The following ABL1 variants were observed in gnomAD, a reference collection of about 807,000 sequenced individuals.
ABL1 encodes ABL proto-oncogene 1, non-receptor tyrosine kinase, also known as tyrosine-protein kinase ABL1.
A neutral mutation model predicts 94.7 loss-of-function variants in ABL1; 11 were observed. The ratio of observed to expected loss-of-function variants is 0.12; its 90% CI spans 0.07 to 0.19. ABL1 has a LOEUF of 0.19. Ranked by LOEUF, ABL1 falls within the 10% of genes least tolerant of loss-of-function variation. ABL1 has a pLI of 1.00. For missense variants in ABL1, 1,082 were observed against 1,489.4 expected, an observed-to-expected ratio of 0.73 and a Z score of 4.50; for synonymous variants, 656 against 622.4, an observed-to-expected ratio of 1.05 and a Z score of -0.80.
intron 1 of ABL1, among the ~76,000 whole-genome samples, chr9:130,796,697 A>G (rs1829977385): frequency 6.6e-6 from 1 of 152,088 alleles, no homozygotes; most frequent in Admixed American, 6.5e-5. Flanking sequence ...TGCTAACTTT[A>G]TGGATGTGGG....
At chr9:130,737,725 T>G (rs1831761663) in intron 1 of ABL1, among the ~76,000 whole-genome samples, 1 of 152,028 alleles carries the variant, frequency 6.6e-6, no homozygotes, top group Non-Finnish European at 1.5e-5. Flanking sequence ...GAAAAAGTCA[T>G]GTTGAGGCAT....
chr9:130,869,982 G>A (rs1218976791), intron 4 of ABL1, among the ~76,000 whole-genome samples: 5 of 152,096 alleles, frequency 3.3e-5, no homozygotes, highest in Non-Finnish European at 5.9e-5. Context: ...GCGCTACCAC[G>A]CCTGGCTAAT....
intron 1 of ABL1, among the ~76,000 whole-genome samples, chr9:130,734,267 G>A (rs1275344583): frequency 1.3e-5 from 2 of 149,014 alleles, no homozygotes; most frequent in African/African-American, 5.0e-5. Flanking sequence ...AGGCTGGAGT[G>A]CAGTGGCGCG....
chr9:130,772,009 C>G (rs1832259415), intron 1 of ABL1, among the ~76,000 whole-genome samples: 1 of 152,180 alleles, frequency 6.6e-6, no homozygotes, highest in South Asian at 2.1e-4. Flanking sequence ...CAGCCTTGGC[C>G]TCCCAAAGTG....
chr9:130,717,108 T>C (rs943969298), intron 1 of ABL1, among the ~76,000 whole-genome samples: 6 of 152,114 alleles, frequency 3.9e-5, no homozygotes, highest in Non-Finnish European at 4.4e-5. Context: ...AGTGGCATGA[T>C]CTCGGCTCAC....
At chr9:130,870,674 G>A (rs1831237306) in intron 4 of ABL1, among the ~76,000 whole-genome samples, 1 of 152,204 alleles carries the variant, frequency 6.6e-6, no homozygotes, top group Admixed American at 6.5e-5. Flanking sequence ...GGCCAATGGG[G>A]TGGTGACAGA....
chr9:130,886,983 G>C lies in ABL1; in HGVS notation c.*1300G>C, dbSNP rs1033578013. The C allele has an allele frequency of 4.3e-6, 1 of 232,696 alleles. No homozygotes were observed. Among genetic ancestry groups the C allele is most frequent in the African/African-American group, 2.2e-5 (1 of 45,326 alleles). 14.4% of individuals were successfully genotyped at this position (232,696 alleles called of 1,614,324 possible). A position where few individuals can be genotyped will look rare whatever the true frequency, so the allele number is the denominator to read the frequency against. ...CAAACGGAGCCCCTGAAAGCCTCAC[G>C]TATTTCACAGAGCACGCCTGCCATC... On this transcript the variant is annotated 3_prime_UTR_variant, in exon 11 of 11. Transcript: ENST00000318560.
chr9:130,802,353 CA>C (rs1451522403), intron 1 of ABL1, among the ~76,000 whole-genome samples: 1 of 152,150 alleles, frequency 6.6e-6, no homozygotes, highest in Non-Finnish European at 1.5e-5. Flanking sequence ...CCTGGTCTCC[CA>C]AAATGCTAGG....
intron 1 of ABL1, among the ~76,000 whole-genome samples, chr9:130,750,893 C>G (rs1186148033): frequency 6.6e-6 from 1 of 151,186 alleles, no homozygotes; most frequent in South Asian, 2.1e-4. Flanking sequence ...GTGATCTGCC[C>G]CTCAGCCTCC....
chr9:130,869,348 T>C (rs1415503864), intron 4 of ABL1, among the ~76,000 whole-genome samples: 1 of 152,154 alleles, frequency 6.6e-6, no homozygotes, highest in Non-Finnish European at 1.5e-5. Context: ...GCTGAGTGAG[T>C]GCTGGCCTCA....
intron 1 of ABL1, among the ~76,000 whole-genome samples, chr9:130,747,719 T>C (rs1261533191): frequency 3.9e-5 from 6 of 152,194 alleles, no homozygotes; most frequent in Non-Finnish European, 8.8e-5. Flanking sequence ...AGCCCCAGTC[T>C]TCCTCTTATA....
chr9:130,852,978 C>T (rs1233155678), intron 1 of ABL1, among the ~76,000 whole-genome samples: 1 of 152,000 alleles, frequency 6.6e-6, no homozygotes, highest in African/African-American at 2.4e-5. Context: ...TCCTCAGAGA[C>T]GCTGTCCTAG....
At chr9:130,735,481 T>G (rs1020298620) in intron 1 of ABL1, among the ~76,000 whole-genome samples, 4 of 151,932 alleles carry the variant, frequency 2.6e-5, no homozygotes, top group African/African-American at 9.7e-5. Flanking sequence ...TGTGTGGTTT[T>G]TTTTTTTTAT....
In ABL1 at chr9:130,801,020, T is replaced by C. The variant is rs549310357; in HGVS notation, c.137-53044T>C. On this transcript the variant is annotated intron_variant, in intron 1 of 10. Coordinates refer to the ABL1 transcript ENST00000372348. Reference sequence around the variant, plus strand: ...ATCTCGGCTCACTGCAACCTCTGCCTGCTGGGTTCAAGCAATTCTCAGCGT... The same window carrying C: ...ATCTCGGCTCACTGCAACCTCTGCCCGCTGGGTTCAAGCAATTCTCAGCGT... 5.3e-5 allele frequency among the ~76,000 whole-genome samples: 8 copies of C among 151,780 alleles called. No individual in the cohort carries two copies. In the South Asian group the frequency reaches 1.7e-3, roughly 32 times the overall value.
intron 3 of ABL1, among the ~76,000 whole-genome samples, chr9:130,857,907 G>A (rs558113371): frequency 1.1e-4 from 16 of 151,990 alleles, no homozygotes; most frequent in African/African-American, 1.9e-4. Flanking sequence ...GTGGAGCTGC[G>A]TTCTTCCATT....
In ABL1 at chr9:130,880,833, C is replaced by A. The variant is rs1831439740; in HGVS notation, c.1678+169C>A. On this transcript the variant is annotated intron_variant, in intron 10 of 10. Coordinates refer to ENST00000318560, the MANE Select transcript of ABL1 (RefSeq NM_005157.6). This position sits in a 1 kb window ranked among gnomAD's most constrained non-coding sequence, Gnocchi z 4.4. Reference sequence around the variant, plus strand: ...AAGGAGGAAGGTTCTCCTCTCCCCACCTGCCTCCTATCCCCTCCCTCTGAG... The same window carrying A: ...AAGGAGGAAGGTTCTCCTCTCCCCAACTGCCTCCTATCCCCTCCCTCTGAG... 2.0e-5 allele frequency among the ~76,000 whole-genome samples: 3 copies of A among 152,232 alleles called. No individual in the cohort carries two copies. The highest frequency in any genetic ancestry group is 4.4e-5 in the Non-Finnish European group (3 of 68,044).
intron 1 of ABL1, among the ~76,000 whole-genome samples, chr9:130,737,064 A>G: frequency 6.6e-6 from 1 of 151,894 alleles, no homozygotes; most frequent in Non-Finnish European, 1.5e-5. Context: ...GGTTAATTTA[A>G]TTGGTCTGGG....
chr9:130,808,627 A>G (rs1475269936), intron 1 of ABL1, among the ~76,000 whole-genome samples: 2 of 152,148 alleles, frequency 1.3e-5, no homozygotes, highest in Non-Finnish European at 2.9e-5. Flanking sequence ...CTTGCCTCGC[A>G]TTCATCTTTT....
rs36101130 is a variant in ABL1 at position 130,810,010 on chromosome 9, T to C, written c.137-44054T>C. On this transcript the variant is annotated intron_variant, in intron 1 of 10. Coordinates refer to the ABL1 transcript ENST00000372348. Reference sequence around the variant, plus strand: ...GGATACAAAACCATCTAGGACCGAGTGTGGTAAAATGCACAATGTTTACCA... The same window carrying C: ...GGATACAAAACCATCTAGGACCGAGCGTGGTAAAATGCACAATGTTTACCA... 3.9e-3 allele frequency among the ~76,000 whole-genome samples: 596 copies of C among 152,262 alleles called. 8 individuals carry two copies. The highest frequency in any genetic ancestry group is 0.014 in the African/African-American group (568 of 41,544).
Sources: gnomAD v4.1 joint callset for allele counts (sites outside exome capture counted in the v4.1 genomes callset) on GRCh38, gnomAD v4.1.1 for gene constraint, Gnocchi (gnomAD v3.1) non-coding constraint, MANE v1.5 for transcripts, NCBI Gene and HGNC (gene_info 2026-07-23, HGNC 2026-07-21) for gene names.